KLF9: variants seen among roughly 807,000 people sequenced by gnomAD.
KLF9 encodes the protein Krueppel-like factor 9.
In KLF9, 2 loss-of-function variants were observed where a neutral mutation model predicts 17.3. That is an observed-to-expected ratio of 0.12 (90% CI 0.05 to 0.36). The LOEUF (loss-of-function observed/expected upper bound fraction) is 0.36, where lower values mean the gene tolerates loss of function less well. KLF9 is among the 10% of genes least tolerant of loss of function. The pLI is 1.00. For synonymous variants in KLF9, 138 were observed against 139.2 expected (o/e 0.99, Z 0.06); for missense variants, 226 against 333.2 (o/e 0.68, Z 2.51).
rs1196632839 is a variant in KLF9, at chr9:70,386,942, C to T, written c.*834G>A. The T allele has an allele frequency of 6.6e-6, 1 of 152,612 alleles. No homozygotes were observed. Among genetic ancestry groups the T allele is most frequent in the African/African-American group, 2.4e-5 (1 of 41,450 alleles). The allele number at this position is 152,612 out of a possible 1,614,324, so 9.5% of individuals were successfully genotyped here. A position where few individuals can be genotyped will look rare whatever the true frequency, so the allele number is the denominator to read the frequency against. On this transcript the variant is annotated 3_prime_UTR_variant, in exon 2 of 2. Transcript: ENST00000377126. The stretch of plus-strand genomic sequence containing the variant: ...AGAACATCTGCTTCTATCCTCAAAG[C>T]ATGTATTTAACTTATTCATCCTCTG...
intron 1 of KLF9, among the ~76,000 whole-genome samples, chr9:70,410,327 A>G (rs2037302284): frequency 6.6e-6 from 1 of 152,268 alleles, no homozygotes; most frequent in Admixed American, 6.5e-5. Flanking sequence ...AAATCTGCAA[A>G]GCAAATTCAG....
chr9:70,413,181 G>A lies in KLF9; in HGVS notation c.183C>T (p.Val61=). 6.2e-7 allele frequency: 1 copy of A among 1,614,158 alleles called. No individual in the cohort carries two copies. ...GGTCCAACAAGCTCTTGGCGATGGT[G>A]ACCAGTGTGCAGTAATCCTTCCAGG... ...GDTWKDYCTL[V]TIAKSLLDLN... is the part of the protein sequence containing the mutation. Residue 61 remains valine, a synonymous_variant, in exon 1 of 2, where the codon GTC becomes GTT. Coordinates refer to ENST00000377126, the MANE Select transcript of KLF9 (RefSeq NM_001206.4). The surrounding 1 kb of genome is among the most constrained non-coding windows in gnomAD (Gnocchi z 5.6).
chr9:70,393,535 G>A (rs956145526), intron 1 of KLF9, among the ~76,000 whole-genome samples: 10 of 152,104 alleles, frequency 6.6e-5, no homozygotes, highest in African/African-American at 1.9e-4. Flanking sequence ...TTCCTACCTG[G>A]TTCTTCTCAT....
At chr9:70,405,452 C>T (rs540224358) in intron 1 of KLF9, among the ~76,000 whole-genome samples, 3 of 152,290 alleles carry the variant, frequency 2.0e-5, no homozygotes, top group African/African-American at 7.2e-5. Flanking sequence ...GGCCTTTCTC[C>T]TGTTCAAATT....
intron 1 of KLF9, among the ~76,000 whole-genome samples, chr9:70,398,523 C>G (rs556185916): frequency 6.7e-6 from 1 of 149,812 alleles, no homozygotes; most frequent in East Asian, 1.9e-4. Flanking sequence ...GAGTCTTGCT[C>G]TGTCACCCAG....
intron 1 of KLF9, among the ~76,000 whole-genome samples, chr9:70,396,999 T>A (rs1389581071): frequency 1.3e-5 from 2 of 152,008 alleles, no homozygotes; most frequent in East Asian, 3.9e-4. Context: ...GGCAACATAG[T>A]GAAACCTCAT....
chr9:70,406,950 G>A (rs373739066), intron 1 of KLF9, among the ~76,000 whole-genome samples: 3 of 150,040 alleles, frequency 2.0e-5, no homozygotes, highest in South Asian at 2.1e-4. Context: ...TAACAAATGC[G>A]ACAAAGCTTT....
rs969613946 is a variant in KLF9 at position 70,386,557 on chromosome 9, C to G, written c.*1219G>C. On this transcript the variant is annotated 3_prime_UTR_variant, in exon 2 of 2. Coordinates refer to ENST00000377126, the MANE Select transcript of KLF9 (RefSeq NM_001206.4). ...CTTTCCTTCTACATAACTCTTGCAC[C>G]TGAGAGTGGGAGTTTTGTAGGAACA... 4 of 152,526 alleles carry G rather than the reference C, an allele frequency of 2.6e-5. No individual in the cohort carries two copies. Among genetic ancestry groups the G allele is most frequent in the Admixed American group, 2.0e-4 (3 of 15,280 alleles). The allele number at this position is 152,526 out of a possible 1,614,324, so 9.4% of individuals were successfully genotyped here.
chr9:70,411,825 A>G (rs1220209727), intron 1 of KLF9, among the ~76,000 whole-genome samples: 1 of 152,200 alleles, frequency 6.6e-6, no homozygotes, highest in East Asian at 1.9e-4. Context: ...GGCTTATCTG[A>G]GAGGACCAAG....
At chr9:70,406,849 G>A (rs1250599756) in intron 1 of KLF9, among the ~76,000 whole-genome samples, 1 of 149,570 alleles carries the variant, frequency 6.7e-6, no homozygotes, top group Non-Finnish European at 1.5e-5. Flanking sequence ...CATGCTACAA[G>A]CTTTTTCTCC....
rs952379170 is a variant in KLF9, at chr9:70,414,199, C to A, written c.-836G>T. 5 of 152,278 alleles carry A rather than the reference C, an allele frequency of 3.3e-5. No homozygotes were observed. The highest frequency in any genetic ancestry group is 4.4e-5 in the Non-Finnish European group (3 of 68,078). 9.4% of individuals were successfully genotyped at this position (152,278 alleles called of 1,614,324 possible). The stretch of plus-strand genomic sequence containing the variant: ...CAGCTGGGAGGCAGGGAAGGGGCAG[C>A]CGCACACTTTCGGAGTGCCTCGCGG... On this transcript the variant is annotated 5_prime_UTR_variant, in exon 1 of 2. Transcript: ENST00000377126.
chr9:70,402,984 T>G (rs1056667736), intron 1 of KLF9, among the ~76,000 whole-genome samples: 1 of 152,016 alleles, frequency 6.6e-6, no homozygotes, highest in African/African-American at 2.4e-5. Flanking sequence ...AACCCATCTC[T>G]ACTAAAAATA....
chr9:70,390,657 A>T (rs1029577503), intron 1 of KLF9, among the ~76,000 whole-genome samples: 26 of 146,402 alleles, frequency 1.8e-4, no homozygotes, highest in Non-Finnish European at 3.6e-4. Flanking sequence ...ACATACACAC[A>T]CTCTCTCTCT....
chr9:70,391,716 C>T (rs1326715323), intron 1 of KLF9, among the ~76,000 whole-genome samples: 3 of 152,152 alleles, frequency 2.0e-5, no homozygotes, highest in Non-Finnish European at 4.4e-5. Flanking sequence ...CAATCCACAT[C>T]CCACTGGCCA....
At position 70,413,415 on chromosome 9, in the gene KLF9, G is replaced by A; in HGVS notation, c.-52C>T. On this transcript the variant is annotated 5_prime_UTR_variant, in exon 1 of 2. Transcript: ENST00000377126. The surrounding 1 kb of genome is among the most constrained non-coding windows in gnomAD (Gnocchi z 5.6). ...CGCGGACAAACTTGGCGGTGGCTGC[G>A]GAGGTTCGGCTCGCCCTGCCCTGGC... is the stretch of plus-strand genomic sequence containing the variant. 6.9e-7 allele frequency: 1 copy of A among 1,446,148 alleles called. No homozygotes were observed. Among genetic ancestry groups the A allele is most frequent in the South Asian group, 1.4e-5 (1 of 71,110 alleles). 89.6% of individuals were successfully genotyped at this position (1,446,148 alleles called of 1,614,324 possible).
intron 1 of KLF9, among the ~76,000 whole-genome samples, chr9:70,409,729 A>G (rs1220243952): frequency 1.3e-5 from 2 of 152,248 alleles, no homozygotes; most frequent in African/African-American, 4.8e-5. Flanking sequence ...GAAAAATAGT[A>G]TATTTGTTGC....
intron 1 of KLF9, among the ~76,000 whole-genome samples, chr9:70,404,400 G>T (rs964796127): frequency 6.6e-6 from 1 of 152,108 alleles, no homozygotes; most frequent in African/African-American, 2.4e-5. Context: ...AGGAGTTTGA[G>T]ACCAGCCTGG....
chr9:70,403,043 G>A (rs11142400), intron 1 of KLF9, among the ~76,000 whole-genome samples: 45,599 of 151,966 alleles, frequency 0.3, 7,328 homozygotes, highest in East Asian at 0.51. Flanking sequence ...CCAGCTATTC[G>A]GGAGGCTGAG....
rs575765938 is a variant in KLF9 at position 70,413,649 on chromosome 9, C to T, written c.-286G>A. 3.1e-4 allele frequency: 51 copies of T among 167,122 alleles called. No individual in the cohort carries two copies. Among genetic ancestry groups the T allele is most frequent in the Admixed American group, 6.4e-4 (10 of 15,738 alleles). The allele number at this position is 167,122 out of a possible 1,614,324, so 10.4% of individuals were successfully genotyped here. A position where few individuals can be genotyped will look rare whatever the true frequency, so the allele number is the denominator to read the frequency against. The stretch of plus-strand genomic sequence containing the variant: ...GCCCCTGCCCCGCGCCGGCCGCGAT[C>T]CCCCGACGGGCGCGCCGGCCCCTCT... On this transcript the variant is annotated 5_prime_UTR_variant, in exon 1 of 2. Coordinates refer to ENST00000377126, the MANE Select transcript of KLF9 (RefSeq NM_001206.4). The surrounding 1 kb of genome is among the most constrained non-coding windows in gnomAD (Gnocchi z 5.6).
Sources: allele counts gnomAD v4.1 joint callset (sites outside exome capture counted in the v4.1 genomes callset), GRCh38; gene constraint gnomAD v4.1.1; non-coding constraint Gnocchi (gnomAD v3.1); transcripts MANE v1.5; gene names NCBI Gene and HGNC (gene_info 2026-07-23, HGNC 2026-07-21).